The following RBM6 variants were observed in gnomAD, a reference collection of about 807,000 sequenced individuals.
RBM6 encodes RNA-binding protein 6.
A neutral mutation model predicts 140.4 loss-of-function variants in RBM6; 23 were observed. The ratio of observed to expected loss-of-function variants is 0.16; its 90% CI spans 0.12 to 0.23. The LOEUF (loss-of-function observed/expected upper bound fraction) is 0.23. RBM6 is among the 10% of genes least tolerant of loss of function. RBM6 has a pLI of 1.00. For missense variants in RBM6, 1,139 were observed against 1,386.7 expected, an observed-to-expected ratio of 0.82 and a Z score of 2.84; for synonymous variants, 439 against 475.6, an observed-to-expected ratio of 0.92 and a Z score of 1.00.
chr3:49,977,638 A>G (rs1478089749), intron 5 of RBM6, among the ~76,000 whole-genome samples: 1 of 152,164 alleles, frequency 6.6e-6, no homozygotes, highest in Non-Finnish European at 1.5e-5. Context: ...TAGGTTCCCT[A>G]TATGCATGGA....
intron 1 of RBM6, among the ~76,000 whole-genome samples, chr3:49,952,507 T>TC (rs904178457): frequency 6.6e-6 from 1 of 151,858 alleles, no homozygotes; most frequent in African/African-American, 2.4e-5. Context: ...CCTTTGTTTT[T>TC]TTTTTTTTTT....
At chr3:49,955,285 C>T (rs2083928606) in intron 1 of RBM6, among the ~76,000 whole-genome samples, 1 of 147,930 alleles carries the variant, frequency 6.8e-6, no homozygotes, top group South Asian at 2.2e-4. Context: ...ATCCTCCTAC[C>T]TCAACCTCTG....
intron 1 of RBM6, among the ~76,000 whole-genome samples, chr3:49,961,714 G>A (rs924659574): frequency 2.0e-5 from 3 of 151,732 alleles, no homozygotes; most frequent in Non-Finnish European, 4.4e-5. Context: ...CAGAAGAATC[G>A]CTCGAACCGG....
Position 49,977,043 on chromosome 3 carries a change from G to A in RBM6, c.1483+1651G>A, listed in dbSNP as rs574039406. 6.8e-4 allele frequency among the ~76,000 whole-genome samples: 104 copies of A among 152,208 alleles called. 3 individuals are homozygous for A. In the South Asian group the frequency reaches 0.021, roughly 31 times the overall value. Reference sequence around the variant, plus strand: ...TATGTGACAAATAGGATGAACTTTTGACAATATCAGCCAGATCATGTTACT... The same window carrying A: ...TATGTGACAAATAGGATGAACTTTTAACAATATCAGCCAGATCATGTTACT... On this transcript the variant is annotated intron_variant, in intron 5 of 20. Coordinates refer to ENST00000266022, the MANE Select transcript of RBM6 (RefSeq NM_005777.3).
intron 5 of RBM6, among the ~76,000 whole-genome samples, chr3:49,994,695 T>TGTGTGTGTGTGTG (rs1553646032): frequency 6.6e-6 from 1 of 151,712 alleles, no homozygotes; most frequent in African/African-American, 2.4e-5. Context: ...TGTGTGTGTG[T>TGTGTGTGTGTGTG]TTTCCTCTCA....
intron 5 of RBM6, among the ~76,000 whole-genome samples, chr3:49,978,672 C>G (rs548999108): frequency 1.3e-5 from 2 of 152,222 alleles, no homozygotes; most frequent in South Asian, 4.1e-4. Flanking sequence ...ATAATACTTA[C>G]GCTGCAAAAT....
chr3:49,952,936 G>A (rs2083803342), intron 1 of RBM6, among the ~76,000 whole-genome samples: 1 of 152,188 alleles, frequency 6.6e-6, no homozygotes, highest in Admixed American at 6.5e-5. Context: ...TTGTAGAGAT[G>A]GGGGTTTTGC....
intron 5 of RBM6, among the ~76,000 whole-genome samples, chr3:49,982,041 A>G (rs558649755): frequency 6.6e-6 from 1 of 152,320 alleles, no homozygotes; most frequent in African/African-American, 2.4e-5. Flanking sequence ...TTAGAGGATT[A>G]CTAAGGTGGT....
chr3:49,959,355 A>AT (rs1183057889), intron 1 of RBM6, among the ~76,000 whole-genome samples: 1,773 of 123,270 alleles, frequency 0.014, 16 homozygotes, highest in African/African-American at 0.028. Context: ...CGCCTGGCTA[A>AT]TTTTTTTTTT....
intron 20 of RBM6, among the ~76,000 whole-genome samples, chr3:50,076,306 G>A (rs1055537308): frequency 6.6e-6 from 1 of 151,720 alleles, no homozygotes; most frequent in Admixed American, 6.6e-5. Flanking sequence ...CCAGGGTCCG[G>A]GCGCAGTGGC....
chr3:50,040,016 C>T (rs531252497), intron 6 of RBM6, among the ~76,000 whole-genome samples: 8 of 152,228 alleles, frequency 5.3e-5, no homozygotes, highest in East Asian at 3.9e-4. Flanking sequence ...TCCAAGACTA[C>T]GGATCCCTGG....
intron 1 of RBM6, among the ~76,000 whole-genome samples, chr3:49,961,539 G>A (rs1028245305): frequency 2.6e-5 from 4 of 151,808 alleles, no homozygotes; most frequent in South Asian, 4.2e-4. Flanking sequence ...GGTGGCTCAC[G>A]CCTGTAATCC....
At chr3:49,984,611 A>ACATCACATCG (rs1553643586) in intron 5 of RBM6, among the ~76,000 whole-genome samples, 2 of 86,100 alleles carry the variant, frequency 2.3e-5, no homozygotes, top group South Asian at 2.8e-4. Context: ...ACATCACATC[A>ACATCACATCG]CATCGCATCG....
At chr3:49,957,029 T>C (rs1311890118) in intron 1 of RBM6, among the ~76,000 whole-genome samples, 2 of 152,134 alleles carry the variant, frequency 1.3e-5, no homozygotes, top group African/African-American at 2.4e-5. Flanking sequence ...GTTGTCCAGA[T>C]TGGAGAACAG....
rs1250886106 is a variant in RBM6 at position 50,061,693 on chromosome 3, T to A, written c.2439+146T>A. ...TGCATGAAAAGTGGAAAAGTTTAGA[T>A]CTATGGAAACAGAACTGTTGCCTAT... is the stretch of plus-strand genomic sequence containing the variant. On this transcript the variant is annotated intron_variant, in intron 14 of 20. Transcript: ENST00000266022. 2.8e-6 allele frequency: 4 copies of A among 1,452,610 alleles called. No homozygotes were observed. In the East Asian group the frequency reaches 9.9e-5, roughly 36 times the overall value. 90.0% of individuals were successfully genotyped at this position (1,452,610 alleles called of 1,614,324 possible).
In RBM6 at chr3:50,041,184, A is replaced by T. The variant is rs374840881; in HGVS notation, c.1558-7061A>T. Among the ~76,000 whole-genome samples, 5 of 152,324 alleles carry T rather than the reference A, an allele frequency of 3.3e-5. No homozygotes were observed. The South Asian group carries it at 6.2e-4, about 19-fold the overall frequency. ...GATAGGAAGTGGCAGCTGACAGGGC[A>T]GTGTCTTCATGCCCCTCAACCTTAC... On this transcript the variant is annotated intron_variant, in intron 6 of 20. Coordinates refer to ENST00000266022, the MANE Select transcript of RBM6 (RefSeq NM_005777.3).
intron 6 of RBM6, among the ~76,000 whole-genome samples, chr3:50,039,866 A>G (rs541173718): frequency 6.6e-6 from 1 of 152,254 alleles, no homozygotes; most frequent in South Asian, 2.1e-4. Context: ...TTACTTACTT[A>G]CTTGCTTATT....
At chr3:49,978,469 T>G in intron 5 of RBM6, among the ~76,000 whole-genome samples, 1 of 152,172 alleles carries the variant, frequency 6.6e-6, no homozygotes, top group Non-Finnish European at 1.5e-5. Context: ...GGAGAGAAGA[T>G]TAACGCCTCT....
chr3:50,055,863 T>C (rs2089675557), intron 8 of RBM6, among the ~76,000 whole-genome samples: 1 of 152,220 alleles, frequency 6.6e-6, no homozygotes, highest in Admixed American at 6.5e-5. Flanking sequence ...TTAATGTAAA[T>C]TTCTTTAGAG....
Sources: gnomAD v4.1 joint callset for allele counts (sites outside exome capture counted in the v4.1 genomes callset) on GRCh38, gnomAD v4.1.1 for gene constraint, MANE v1.5 for transcripts, NCBI Gene and HGNC (gene_info 2026-07-23, HGNC 2026-07-21) for gene names.